OXCT1: variants seen among roughly 807,000 people sequenced by gnomAD.
OXCT1 encodes the protein 3-oxoacid CoA-transferase 1.
OXCT1 carries 27 observed loss-of-function variants against 69.6 expected under a neutral mutation model. That is an observed-to-expected ratio of 0.39 (90% CI 0.29 to 0.54). The LOEUF is 0.54. Among genes scored for constraint, OXCT1 ranks in the 20% least tolerant of loss-of-function variants. The pLI is 0.72. For missense variants in OXCT1, 437 were observed against 650.2 expected, an observed-to-expected ratio of 0.67 and a Z score of 3.57; for synonymous variants, 202 against 217.8, an observed-to-expected ratio of 0.93 and a Z score of 0.64.
intron 14 of OXCT1, among the ~76,000 whole-genome samples, chr5:41,757,872 A>G (rs1186509468): frequency 1.3e-5 from 2 of 152,098 alleles, no homozygotes; most frequent in Non-Finnish European, 2.9e-5. Flanking sequence ...GCTGCTGGGG[A>G]GCGAATCGCA....
In OXCT1 at chr5:41,807,319, T is replaced by C; in HGVS notation, c.840+12A>G. The C allele has an allele frequency of 7.5e-7, 1 of 1,341,068 alleles. No individual in the cohort carries two copies. 83.1% of individuals were successfully genotyped at this position (1,341,068 alleles called of 1,614,324 possible). A position where few individuals can be genotyped will look rare whatever the true frequency, so the allele number is the denominator to read the frequency against. On this transcript the variant is annotated intron_variant, in intron 8 of 16. Transcript: ENST00000196371. ...GATCCATGAATACTGACAAAGCAGC[T>C]AAGTCAATTACCTCAATTCTTTTCT...
intron 13 of OXCT1, among the ~76,000 whole-genome samples, chr5:41,781,077 A>G (rs1028229692): frequency 2.0e-5 from 3 of 151,740 alleles, no homozygotes; most frequent in Non-Finnish European, 4.4e-5. Context: ...CTGATTTTGT[A>G]TTTTTTTAGT....
chr5:41,851,260 T>A (rs1208963818), intron 4 of OXCT1, among the ~76,000 whole-genome samples: 1 of 152,352 alleles, frequency 6.6e-6, no homozygotes, highest in East Asian at 1.9e-4. Flanking sequence ...AGTTGGGACT[T>A]GAGACATTGA....
chr5:41,846,125 T>C (rs1748892216), intron 5 of OXCT1, among the ~76,000 whole-genome samples: 1 of 151,660 alleles, frequency 6.6e-6, no homozygotes, highest in Admixed American at 6.6e-5. Flanking sequence ...TGTATGTATG[T>C]ATTTATTTAT....
At chr5:41,775,902 C>G (rs1745099649) in intron 13 of OXCT1, among the ~76,000 whole-genome samples, 1 of 152,092 alleles carries the variant, frequency 6.6e-6, no homozygotes. Flanking sequence ...AGTTTCCCTC[C>G]AAGAGGTAGA....
At chr5:41,748,143 T>C (rs1484155095) in intron 15 of OXCT1, among the ~76,000 whole-genome samples, 1 of 152,102 alleles carries the variant, frequency 6.6e-6, no homozygotes, top group Non-Finnish European at 1.5e-5. Context: ...AAATGAACAG[T>C]GGACCACTAT....
intron 7 of OXCT1, among the ~76,000 whole-genome samples, chr5:41,809,065 C>T (rs1258834457): frequency 1.5e-5 from 2 of 131,284 alleles, no homozygotes; most frequent in Non-Finnish European, 3.1e-5. Flanking sequence ...CAATATTATG[C>T]ACTCATAATA....
At chr5:41,752,846 T>C (rs1051160129) in intron 14 of OXCT1, among the ~76,000 whole-genome samples, 44 of 152,246 alleles carry the variant, frequency 2.9e-4, no homozygotes, top group African/African-American at 1.1e-3. Flanking sequence ...TTGGTGAACA[T>C]CTACCTTCTT....
At chr5:41,777,396 A>C (rs1745180399) in intron 13 of OXCT1, among the ~76,000 whole-genome samples, 1 of 152,172 alleles carries the variant, frequency 6.6e-6, no homozygotes, top group African/African-American at 2.4e-5. Context: ...AGCCTGGGCG[A>C]CAAAGTGAGA....
At chr5:41,736,890 C>G (rs1422284667) in intron 16 of OXCT1, among the ~76,000 whole-genome samples, 1 of 152,194 alleles carries the variant, frequency 6.6e-6, no homozygotes, top group Non-Finnish European at 1.5e-5. Context: ...ACAATGCTAG[C>G]TATGCAGTGA....
At chr5:41,736,787 C>T (rs557197859) in intron 16 of OXCT1, among the ~76,000 whole-genome samples, 1 of 152,096 alleles carries the variant, frequency 6.6e-6, no homozygotes, top group African/African-American at 2.4e-5. Flanking sequence ...CCAATCATTC[C>T]CTTCTAGAAT....
intron 13 of OXCT1, among the ~76,000 whole-genome samples, chr5:41,785,785 G>C (rs970610694): frequency 6.6e-6 from 1 of 152,142 alleles, no homozygotes; most frequent in African/African-American, 2.4e-5. Context: ...GAATAGCAAA[G>C]GTTTTGTATG....
At chr5:41,817,906 A>G (rs1747327534) in intron 7 of OXCT1, among the ~76,000 whole-genome samples, 1 of 152,210 alleles carries the variant, frequency 6.6e-6, no homozygotes, top group Non-Finnish European at 1.5e-5. Flanking sequence ...AAGTCTCTCA[A>G]TGCAGGACTG....
chr5:41,796,038 A>C (rs944942868), intron 11 of OXCT1, among the ~76,000 whole-genome samples: 3 of 152,090 alleles, frequency 2.0e-5, no homozygotes, highest in Admixed American at 6.5e-5. Flanking sequence ...TTCTATTAAA[A>C]CCACAGGATT....
intron 15 of OXCT1, among the ~76,000 whole-genome samples, chr5:41,746,720 T>G (rs1023249076): frequency 1.3e-5 from 2 of 152,106 alleles, no homozygotes; most frequent in Non-Finnish European, 2.9e-5. Flanking sequence ...TTTATTGCAA[T>G]ATCTGACTGG....
At chr5:41,774,285 A>G (rs901466215) in intron 13 of OXCT1, among the ~76,000 whole-genome samples, 1 of 152,232 alleles carries the variant, frequency 6.6e-6, no homozygotes, top group Non-Finnish European at 1.5e-5. Flanking sequence ...AAACTGCATG[A>G]GCATGGGTTA....
chr5:41,828,650 T>C (rs1327414144), intron 7 of OXCT1, among the ~76,000 whole-genome samples: 1 of 152,140 alleles, frequency 6.6e-6, no homozygotes, highest in Admixed American at 6.6e-5. Context: ...CCAAAACCAG[T>C]CCCACAAAAT....
intron 7 of OXCT1, among the ~76,000 whole-genome samples, chr5:41,827,085 C>T (rs1323371181): frequency 6.6e-6 from 1 of 152,118 alleles, no homozygotes; most frequent in African/African-American, 2.4e-5. Context: ...AAGCTCTCAC[C>T]CAGATCACAT....
intron 7 of OXCT1, among the ~76,000 whole-genome samples, chr5:41,834,150 A>C (rs1448748506): frequency 2.6e-5 from 4 of 152,164 alleles, no homozygotes; most frequent in Admixed American, 6.5e-5. Context: ...ATACAAAAAA[A>C]ACTACAGATT....
Sources: allele counts gnomAD v4.1 joint callset (sites outside exome capture counted in the v4.1 genomes callset), GRCh38; gene constraint gnomAD v4.1.1; transcripts MANE v1.5; gene names NCBI Gene and HGNC (gene_info 2026-07-23, HGNC 2026-07-21).